The following SLC25A48 variants were observed in gnomAD, a reference collection of about 807,000 sequenced individuals.
SLC25A48 encodes the protein CTC-321K16.1.
SLC25A48 carries 29 observed loss-of-function variants against 32.2 expected under a neutral mutation model. That is an observed-to-expected ratio of 0.90 (90% CI 0.67 to 1.23). The LOEUF is 1.23. Ranked by LOEUF, SLC25A48 falls within the 50% of genes most tolerant of loss-of-function variation. The probability of loss-of-function intolerance (pLI) is 0.00; values close to 1 mark genes in which losing one functional copy is unlikely to be tolerated. For synonymous variants in SLC25A48, 164 were observed against 172.3 expected, an observed-to-expected ratio of 0.95 and a Z score of 0.38; for missense variants, 399 against 422.7, an observed-to-expected ratio of 0.94 and a Z score of 0.49.
intron 3 of SLC25A48, among the ~76,000 whole-genome samples, chr5:135,730,932 A>C (rs1755205923): frequency 1.3e-5 from 2 of 152,226 alleles, no homozygotes; most frequent in African/African-American, 4.8e-5. Flanking sequence ...GAGCTGGGAC[A>C]TAAACTGAGA....
intron 1 of SLC25A48, among the ~76,000 whole-genome samples, chr5:135,616,225 G>A (rs952858901): frequency 5.9e-5 from 9 of 152,168 alleles, no homozygotes; most frequent in African/African-American, 2.2e-4. Context: ...ACCTAGTGGG[G>A]CTGTGAAAGG....
intron 3 of SLC25A48, among the ~76,000 whole-genome samples, chr5:135,714,070 C>A (rs1403678962): frequency 6.6e-6 from 1 of 152,206 alleles, no homozygotes; most frequent in Admixed American, 6.5e-5. Context: ...AAGTTAGAAC[C>A]ATCTATGCCT....
At chr5:135,734,810 G>A (rs1454540275) in intron 3 of SLC25A48, among the ~76,000 whole-genome samples, 1 of 122,526 alleles carries the variant, frequency 8.2e-6, no homozygotes, top group East Asian at 2.3e-4. Context: ...GAGCAAGACT[G>A]CATCTCAAAA....
In SLC25A48 at chr5:135,737,283, T is replaced by TG. The variant is rs1285219201; in HGVS notation, c.-520-75235dup. On this transcript the variant is annotated intron_variant, in intron 3 of 10. Coordinates refer to the SLC25A48 transcript ENST00000646290. ...GGGGTTGTTCTCTGGCTGGCAGGGG[T>TG]GGGGGTCACAAGGTGCTCAGTGGGG... 1.1e-4 allele frequency among the ~76,000 whole-genome samples: 15 copies of TG among 142,232 alleles called. No individual in the cohort carries two copies. The East Asian group carries it at 3.1e-3, about 29-fold the overall frequency. The allele number at this position is 142,232 out of a possible 152,430, so 93.3% of individuals were successfully genotyped here.
At chr5:135,830,822 T>C (rs1176767481), upstream of SLC25A48, among the ~76,000 whole-genome samples, 1 of 152,154 alleles carries the variant, frequency 6.6e-6, no homozygotes, top group African/African-American at 2.4e-5. Flanking sequence ...AATTGCTGTC[T>C]GCCTGCTCTG....
chr5:135,655,317 G>A (rs1292854846), intron 3 of SLC25A48, among the ~76,000 whole-genome samples: 1 of 152,104 alleles, frequency 6.6e-6, no homozygotes, highest in African/African-American at 2.4e-5. Context: ...CTCTCACAAG[G>A]ACCCCATGAG....
rs1762802988 is a variant in SLC25A48 at position 135,888,197 on chromosome 5, C to T, written c.*173C>T. 2.0e-6 allele frequency: 2 copies of T among 978,290 alleles called. No homozygotes were observed. The highest frequency in any genetic ancestry group is 3.1e-6 in the Non-Finnish European group (2 of 653,402). 60.6% of individuals were successfully genotyped at this position (978,290 alleles called of 1,614,324 possible). On this transcript the variant is annotated 3_prime_UTR_variant, in exon 8 of 8. Coordinates refer to ENST00000681962, the MANE Select transcript of SLC25A48 (RefSeq NM_001349336.2). ...GTGGCCCTTCTGATGCCTGGGATGC[C>T]TCATGAGTCACTGATTCAAGCCCTC...
intron 3 of SLC25A48, among the ~76,000 whole-genome samples, chr5:135,792,176 C>T (rs1358249018): frequency 1.3e-5 from 2 of 151,780 alleles, no homozygotes; most frequent in Non-Finnish European, 2.9e-5. Flanking sequence ...TTGGGTTGTA[C>T]ACTATGTGTG....
chr5:135,615,939 A>T (rs922161620), intron 1 of SLC25A48, among the ~76,000 whole-genome samples: 1 of 152,234 alleles, frequency 6.6e-6, no homozygotes, highest in Non-Finnish European at 1.5e-5. Context: ...AGCTTCAGCC[A>T]TGGCTCAAAG....
chr5:135,684,919 C>T (rs140581826), intron 3 of SLC25A48, among the ~76,000 whole-genome samples: 17 of 152,184 alleles, frequency 1.1e-4, no homozygotes, highest in African/African-American at 3.1e-4. Context: ...TCTTCATAGA[C>T]ATGCAAGTAG....
chr5:135,853,970 A>G (rs115084662), intron 4 of SLC25A48, among the ~76,000 whole-genome samples: 1,629 of 152,338 alleles, frequency 0.011, 21 homozygotes, highest in African/African-American at 0.035. Flanking sequence ...CAGGCCTGGA[A>G]ACAACATTCA....
chr5:135,805,958 G>C (rs769949351), intron 3 of SLC25A48, among the ~76,000 whole-genome samples: 1 of 151,630 alleles, frequency 6.6e-6, no homozygotes, highest in South Asian at 2.1e-4. Flanking sequence ...TACATCCTGT[G>C]ATATTATTTG....
chr5:135,629,198 AC>A lies in SLC25A48; in HGVS notation c.-848-37del, dbSNP rs1752504374. 1 of 152,092 alleles carries A rather than the reference AC, an allele frequency of 6.6e-6. No individual in the cohort carries two copies. The highest frequency in any genetic ancestry group is 1.5e-5 in the Non-Finnish European group (1 of 68,004). 9.4% of individuals were successfully genotyped at this position (152,092 alleles called of 1,614,324 possible). A position where few individuals can be genotyped will look rare whatever the true frequency, so the allele number is the denominator to read the frequency against. The stretch of plus-strand genomic sequence containing the variant: ...AGTGTCATCCAGTGCCAGAATCTCC[AC>A]CGTTATAGCCTTTTTCTTTTTTCTT... On this transcript the variant is annotated intron_variant, in intron 1 of 10. Coordinates refer to the SLC25A48 transcript ENST00000646290. The surrounding 1 kb of genome is among the most constrained non-coding windows in gnomAD (Gnocchi z 4.8).
intron 2 of SLC25A48, among the ~76,000 whole-genome samples, chr5:135,849,816 G>T (rs773166514): frequency 2.0e-5 from 3 of 152,202 alleles, no homozygotes; most frequent in Non-Finnish European, 2.9e-5. Context: ...CTCATGCAGG[G>T]CTCAGGGAGA....
chr5:135,763,362 G>C (rs370038416), intron 3 of SLC25A48, among the ~76,000 whole-genome samples: 1 of 152,142 alleles, frequency 6.6e-6, no homozygotes, highest in East Asian at 1.9e-4. Flanking sequence ...CCTGAGTTGA[G>C]AACTTCATGG....
chr5:135,746,186 C>T (rs1057114850), intron 3 of SLC25A48: 5 of 159,468 alleles, frequency 3.1e-5, no homozygotes, highest in East Asian at 1.9e-4. Flanking sequence ...CCCGCTCCCT[C>T]CCTCCCATGT....
chr5:135,590,034 G>A (rs1365593244), intron 1 of SLC25A48, among the ~76,000 whole-genome samples: 1 of 152,172 alleles, frequency 6.6e-6, no homozygotes, highest in Non-Finnish European at 1.5e-5. Context: ...TCATTATGAG[G>A]TAAATTCCCA....
chr5:135,811,428 A>T (rs540907279), intron 3 of SLC25A48, among the ~76,000 whole-genome samples: 5 of 152,296 alleles, frequency 3.3e-5, no homozygotes, highest in East Asian at 1.9e-4. Context: ...TGGGGGATTG[A>T]GGAGATATTG....
chr5:135,770,711 A>G (rs1004659735), intron 3 of SLC25A48, among the ~76,000 whole-genome samples: 2 of 151,452 alleles, frequency 1.3e-5, no homozygotes, highest in East Asian at 3.9e-4. Flanking sequence ...ATGTTGCTCC[A>G]AATATCAAAG....
Sources: gnomAD v4.1 joint callset for allele counts (sites outside exome capture counted in the v4.1 genomes callset) on GRCh38, gnomAD v4.1.1 for gene constraint, Gnocchi (gnomAD v3.1) non-coding constraint, MANE v1.5 for transcripts, NCBI Gene and HGNC (gene_info 2026-07-23, HGNC 2026-07-21) for gene names.